The following CACNA1B variants were observed in gnomAD, a reference collection of about 807,000 sequenced individuals.
The protein encoded by CACNA1B is voltage-dependent N-type calcium channel subunit alpha-1B.
Under a neutral mutation model 247.2 loss-of-function variants are expected in CACNA1B, and 70 were observed. The observed-to-expected ratio is 0.28, with a 90% confidence interval of 0.23 to 0.35. CACNA1B has a LOEUF of 0.35. Among genes scored for constraint, CACNA1B ranks in the 10% least tolerant of loss-of-function variants. The pLI is 1.00. For missense variants in CACNA1B, 2,367 were observed against 3,197.4 expected (o/e 0.74, Z 6.26); for synonymous variants, 1,231 against 1,294.4 (o/e 0.95, Z 1.05).
chr9:138,025,756 AG>A (rs1372371830), intron 20 of CACNA1B, among the ~76,000 whole-genome samples: 4 of 152,208 alleles, frequency 2.6e-5, no homozygotes, highest in Non-Finnish European at 4.4e-5. Context: ...CTGAGGGCAC[AG>A]GGGACCAAGA....
rs1261286942 is a variant in CACNA1B at position 138,052,184 on chromosome 9, T to G, written c.3803T>G (p.Leu1268Arg). Residue 1268 changes from leucine to arginine, a missense_variant, in exon 25 of 47, where the codon CTC becomes CGC. Coordinates refer to ENST00000371372, the MANE Select transcript of CACNA1B (RefSeq NM_000718.4). This position sits in a 1 kb window ranked among gnomAD's most constrained non-coding sequence, Gnocchi z 5.1. ...AAGACCATCAAACGGCTGCCCAAGC[T>G]CAAGGTTAGAGCCTGGAGTTGGGGC... ...PLKTIKRLPKLKAVFDCVVNS... is the reference protein window; with the variant it reads ...PLKTIKRLPKRKAVFDCVVNS... The G allele has an allele frequency of 6.3e-7, 1 of 1,599,712 alleles. No homozygotes were observed. Among genetic ancestry groups the G allele is most frequent in the African/African-American group, 1.3e-5 (1 of 74,570 alleles).
intron 32 of CACNA1B, among the ~76,000 whole-genome samples, chr9:138,071,821 C>A (rs1960143632): frequency 6.6e-6 from 1 of 152,102 alleles, no homozygotes; most frequent in African/African-American, 2.4e-5. Context: ...GTGCTTTGAG[C>A]CAGTGGGTGC....
At chr9:138,056,268 A>G (rs781752923) in intron 26 of CACNA1B, among the ~76,000 whole-genome samples, 3 of 152,162 alleles carry the variant, frequency 2.0e-5, no homozygotes, top group Non-Finnish European at 2.9e-5. Flanking sequence ...CTAGCCAACT[A>G]TGAATCTGTT....
At chr9:138,099,464 T>C (rs1263830052) in intron 37 of CACNA1B, among the ~76,000 whole-genome samples, 1 of 152,200 alleles carries the variant, frequency 6.6e-6, no homozygotes, top group Non-Finnish European at 1.5e-5. Context: ...TGCATGTGTG[T>C]GCCTGTGGAT....
rs560847329 is a variant in CACNA1B at position 138,035,442 on chromosome 9, G to A, written c.3287-8332G>A. On this transcript the variant is annotated intron_variant, in intron 20 of 46. Coordinates refer to ENST00000371372, the MANE Select transcript of CACNA1B (RefSeq NM_000718.4). ...GATCGTGCCACTGCACTTCAGCCTG[G>A]GCAACAGCGAGACTGTCTCAAAAAA... 8.5e-5 allele frequency among the ~76,000 whole-genome samples: 13 copies of A among 152,210 alleles called. No homozygotes were observed. In the South Asian group the frequency reaches 2.5e-3, roughly 29 times the overall value.
intron 36 of CACNA1B, 22 bp downstream of exon 36, chr9:138,078,280 C>T (rs1260868043): frequency 6.2e-7 from 1 of 1,610,760 alleles, no homozygotes; most frequent in Non-Finnish European, 8.5e-7. Context: ...GCACTGTGCC[C>T]CTCCCAGTGC....
rs947892512 is a variant in CACNA1B at position 138,102,910 on chromosome 9, G to A, written c.5319+103G>A. 1.5e-6 allele frequency: 1 copy of A among 684,422 alleles called. No homozygotes were observed. The highest frequency in any genetic ancestry group is 1.8e-5 in the African/African-American group (1 of 55,386). 42.4% of individuals were successfully genotyped at this position (684,422 alleles called of 1,614,324 possible). On this transcript the variant is annotated intron_variant, in intron 38 of 46. Transcript: ENST00000371372. This position sits in a 1 kb window ranked among gnomAD's most constrained non-coding sequence, Gnocchi z 5.4. ...CCTCTCCCTTTCAGGGTGCCCGGCT[G>A]TCTGTCTGCCGCTCTGCTGTGCGCC...
intron 18 of CACNA1B, among the ~76,000 whole-genome samples, chr9:138,015,957 A>G (rs771581582): frequency 6.6e-6 from 1 of 152,128 alleles, no homozygotes; most frequent in East Asian, 1.9e-4. Context: ...CATATAGGCA[A>G]GCACACACAC....
chr9:138,109,223 A>G (rs773958958), intron 39 of CACNA1B, among the ~76,000 whole-genome samples: 1 of 152,230 alleles, frequency 6.6e-6, no homozygotes. Flanking sequence ...AAACTTGGAA[A>G]GGCAATTAAT....
chr9:138,039,873 T>C (rs1370039383), intron 20 of CACNA1B, among the ~76,000 whole-genome samples: 1 of 152,234 alleles, frequency 6.6e-6, no homozygotes, highest in Admixed American at 6.5e-5. Context: ...TTGTTAGTTG[T>C]ATTACTCAAA....
chr9:137,914,856 C>A lies in CACNA1B; in HGVS notation c.775+50C>A, dbSNP rs1461477766. On this transcript the variant is annotated intron_variant, in intron 5 of 46. Transcript: ENST00000371372. The surrounding 1 kb of genome is among the most constrained non-coding windows in gnomAD (Gnocchi z 4.3). ...CACAGGCAAGTGCCACGGATGCGTT[C>A]ATCCAGGAGATGGGCACTGTTCTAG... is the stretch of plus-strand genomic sequence containing the variant. 6.2e-7 allele frequency: 1 copy of A among 1,600,624 alleles called. No individual in the cohort carries two copies. Among genetic ancestry groups the A allele is most frequent in the Non-Finnish European group, 8.5e-7 (1 of 1,172,588 alleles).
intron 26 of CACNA1B, among the ~76,000 whole-genome samples, chr9:138,056,616 ACT>A (rs1472670509): frequency 3.3e-5 from 5 of 152,236 alleles, no homozygotes; most frequent in African/African-American, 7.2e-5. Flanking sequence ...TGATTGGGTA[ACT>A]CTGTGTTTAA....
chr9:137,918,512 G>A (rs775437666), intron 6 of CACNA1B, among the ~76,000 whole-genome samples: 2 of 152,116 alleles, frequency 1.3e-5, no homozygotes, highest in Non-Finnish European at 2.9e-5. Context: ...CTGTCAGGGT[G>A]GGGAGGGGGC....
At chr9:138,000,354 T>A (rs569468449) in intron 15 of CACNA1B, among the ~76,000 whole-genome samples, 1 of 152,142 alleles carries the variant, frequency 6.6e-6, no homozygotes, top group African/African-American at 2.4e-5. Flanking sequence ...CGCCTTGGCC[T>A]CCCAAAGTGC....
rs547235825 is a variant in CACNA1B at position 137,886,268 on chromosome 9, CCTCCAGCAGTTCA to C, written c.530+3394_530+3406del. 6.9e-3 allele frequency among the ~76,000 whole-genome samples: 1,039 copies of C among 151,344 alleles called. 45 individuals carry two copies. The East Asian group carries it at 0.12, about 17-fold the overall frequency. ...GGTCCGGTTGTGTCTGACATGGGGG[CCTCCAGCAGTTCA>C]CTCCAGCAAGAGCCCCACTGAGTGC... On this transcript the variant is annotated intron_variant, in intron 3 of 46. Coordinates refer to ENST00000371372, the MANE Select transcript of CACNA1B (RefSeq NM_000718.4).
rs770393738 is a variant in CACNA1B at position 138,073,053 on chromosome 9, G to A, written c.4675-435G>A. On this transcript the variant is annotated intron_variant, in intron 32 of 46. Transcript: ENST00000371372. This position sits in a 1 kb window ranked among gnomAD's most constrained non-coding sequence, Gnocchi z 6.4. ...GGGCATAGCCGTGAAGCCTGGGCGG[G>A]GGTCCCTTCCGGGGTGCTGGGTGGA... Among the ~76,000 whole-genome samples, 1 of 152,224 alleles carries A rather than the reference G, an allele frequency of 6.6e-6. No homozygotes were observed. The highest frequency in any genetic ancestry group is 1.5e-5 in the Non-Finnish European group (1 of 68,040).
At position 137,952,472 on chromosome 9, in the gene CACNA1B, C is replaced by A; in HGVS notation, c.1070+95C>A. 1 of 977,688 alleles carries A rather than the reference C, an allele frequency of 1.0e-6. No individual in the cohort carries two copies. Among genetic ancestry groups the A allele is most frequent in the Non-Finnish European group, 1.6e-6 (1 of 619,368 alleles). The allele number at this position is 977,688 out of a possible 1,614,324, so 60.6% of individuals were successfully genotyped here. A position where few individuals can be genotyped will look rare whatever the true frequency, so the allele number is the denominator to read the frequency against. On this transcript the variant is annotated intron_variant, in intron 7 of 46. Coordinates refer to ENST00000371372, the MANE Select transcript of CACNA1B (RefSeq NM_000718.4). This position sits in a 1 kb window ranked among gnomAD's most constrained non-coding sequence, Gnocchi z 4.8. ...TGTGACACTTGGGGTGGGGGCCTGG[C>A]CCATGGGTGCCCTCTGTGGTGGTTG... is the stretch of plus-strand genomic sequence containing the variant.
intron 35 of CACNA1B, among the ~76,000 whole-genome samples, chr9:138,076,863 T>G (rs936249): frequency 1.2e-3 from 176 of 152,228 alleles, no homozygotes; most frequent in African/African-American, 4.2e-3. Flanking sequence ...CCTGCTTTGC[T>G]GAGCTGCCTG....
chr9:137,970,862 C>A (rs990043300), intron 10 of CACNA1B, among the ~76,000 whole-genome samples: 12 of 152,148 alleles, frequency 7.9e-5, no homozygotes, highest in Non-Finnish European at 1.3e-4. Flanking sequence ...ATTGAACAGC[C>A]ATGGACCATG....
Sources: gnomAD v4.1 joint callset for allele counts (sites outside exome capture counted in the v4.1 genomes callset) on GRCh38, gnomAD v4.1.1 for gene constraint, Gnocchi (gnomAD v3.1) non-coding constraint, MANE v1.5 for transcripts, NCBI Gene and HGNC (gene_info 2026-07-23, HGNC 2026-07-21) for gene names.